Variants in RNF214 observed in about 807,000 individuals in gnomAD.
RNF214 encodes ring finger protein 214.
RNF214 carries 25 observed loss-of-function variants against 75.9 expected under a neutral mutation model. That is an observed-to-expected ratio of 0.33 (90% confidence interval 0.24 to 0.46). The LOEUF is 0.46. Ranked by LOEUF, RNF214 falls within the 20% of genes least tolerant of loss-of-function variation. RNF214 has a pLI of 1.00. For synonymous variants in RNF214, 314 were observed against 308.8 expected (o/e 1.02, Z -0.18); for missense variants, 725 against 857.5 (o/e 0.85, Z 1.93).
At chr11:117,254,405 C>A (rs1370911182) in intron 6 of RNF214, among the ~76,000 whole-genome samples, 1 of 152,108 alleles carries the variant, frequency 6.6e-6, no homozygotes, top group East Asian at 1.9e-4. Flanking sequence ...TTGACCGTAT[C>A]AAGATCTCTT....
At chr11:117,278,149 A>G (rs1317004296) in intron 6 of RNF214, among the ~76,000 whole-genome samples, 1 of 151,584 alleles carries the variant, frequency 6.6e-6, no homozygotes, top group Non-Finnish European at 1.5e-5. Flanking sequence ...CTAAAAATAC[A>G]AAAAATTAGG....
At chr11:117,254,388 T>G (rs1463368957) in intron 6 of RNF214, among the ~76,000 whole-genome samples, 8 of 152,168 alleles carry the variant, frequency 5.3e-5, no homozygotes, top group African/African-American at 1.9e-4. Context: ...CCCAATAAAT[T>G]TACACTTTGA....
intron 6 of RNF214, among the ~76,000 whole-genome samples, chr11:117,273,707 G>C (rs1223718788): frequency 6.6e-6 from 1 of 152,170 alleles, no homozygotes; most frequent in Non-Finnish European, 1.5e-5. Context: ...GGAGTTATGG[G>C]CTGGTATTTT....
At chr11:117,281,806 C>A in intron 10 of RNF214, 88 bp from the exon 11 acceptor site, 1 of 1,526,476 alleles carries the variant, frequency 6.6e-7, no homozygotes, top group Non-Finnish European at 9.0e-7. Flanking sequence ...CTATTCAGTG[C>A]AAGAGTTGTT....
At chr11:117,265,707 G>A (rs1591833775) in intron 6 of RNF214, among the ~76,000 whole-genome samples, 1 of 152,088 alleles carries the variant, frequency 6.6e-6, no homozygotes, top group South Asian at 2.1e-4. Context: ...GAGCCACCGC[G>A]CCTGGCCATC....
intron 2 of RNF214, among the ~76,000 whole-genome samples, chr11:117,235,147 G>A (rs2032867117): frequency 6.6e-6 from 1 of 152,192 alleles, no homozygotes; most frequent in Admixed American, 6.5e-5. Flanking sequence ...CAGTACAGAT[G>A]CAACCATCCA....
At chr11:117,278,272 C>G (rs571668371) in intron 6 of RNF214, among the ~76,000 whole-genome samples, 1 of 152,292 alleles carries the variant, frequency 6.6e-6, no homozygotes, top group South Asian at 2.1e-4. Context: ...CCATTGCACT[C>G]TAGCCTGGGT....
chr11:117,235,694 C>T (rs955265574), intron 2 of RNF214, among the ~76,000 whole-genome samples: 1 of 151,818 alleles, frequency 6.6e-6, no homozygotes, highest in East Asian at 1.9e-4. Flanking sequence ...TGAGTAGAAA[C>T]GGGGTTTTGC....
At position 117,243,909 on chromosome 11, in the gene RNF214, T is replaced by C. The variant is rs73580335; in HGVS notation, c.679-536T>C. Among the ~76,000 whole-genome samples the C allele has an allele frequency of 7.1e-3, 1,084 of 152,318 alleles. 15 individuals are homozygous for C. The highest frequency in any genetic ancestry group is 0.024 in the African/African-American group (997 of 41,564). Reference sequence around the variant, plus strand: ...TATGAAAGCTTGCTGAGTTGTTCAGTCTGAATACCAGGTTCCCAGGCCTCT... The same window carrying C: ...TATGAAAGCTTGCTGAGTTGTTCAGCCTGAATACCAGGTTCCCAGGCCTCT... On this transcript the variant is annotated intron_variant, in intron 4 of 14. Transcript: ENST00000300650.
intron 6 of RNF214, among the ~76,000 whole-genome samples, chr11:117,269,337 G>A (rs2033860402): frequency 6.6e-6 from 1 of 152,188 alleles, no homozygotes; most frequent in African/African-American, 2.4e-5. Context: ...AGGAAGATGA[G>A]GGGCAGAACT....
chr11:117,264,559 G>A (rs1011937573), intron 6 of RNF214, among the ~76,000 whole-genome samples: 2 of 152,200 alleles, frequency 1.3e-5, no homozygotes, highest in African/African-American at 2.4e-5. Context: ...GTATTTTGGG[G>A]TGGAGTGCCC....
At position 117,238,741 on chromosome 11, in the gene RNF214, C is replaced by T; in HGVS notation, c.248C>T (p.Ala83Val). 1.2e-6 allele frequency: 2 copies of T among 1,614,156 alleles called. No individual in the cohort carries two copies. Among genetic ancestry groups the T allele is most frequent in the South Asian group, 1.1e-5 (1 of 91,084 alleles). ...NPGSSAGDTS[A>V]AHQVVLGENL... ...GGTTCATCAGCAGGTGACACCTCAG[C>T]AGCGCACCAGGTGGTTTTAGGAGAA... is the stretch of plus-strand genomic sequence containing the variant. Residue 83 changes from alanine (A) to valine (V), a missense_variant, in exon 3 of 15, where the codon GCA becomes GTA. Coordinates refer to ENST00000300650, the MANE Select transcript of RNF214 (RefSeq NM_207343.4).
intron 2 of RNF214, among the ~76,000 whole-genome samples, chr11:117,235,159 T>C (rs2032867723): frequency 6.6e-6 from 1 of 152,168 alleles, no homozygotes; most frequent in Admixed American, 6.6e-5. Flanking sequence ...AACCATCCAA[T>C]TTTTTTCTGA....
In RNF214 at chr11:117,239,114, C is replaced by T; in HGVS notation, c.618+3C>T. The T allele has an allele frequency of 6.5e-7, 1 of 1,547,928 alleles. No homozygotes were observed. The highest frequency in any genetic ancestry group is 8.8e-7 in the Non-Finnish European group (1 of 1,138,258). On this transcript the variant is annotated splice_donor_region_variant and intron_variant, in intron 3 of 14. Coordinates refer to ENST00000300650, the MANE Select transcript of RNF214 (RefSeq NM_207343.4). ...TTTCTCAGAACATTGCTGTACAGGT[C>T]AAGTGTCAAGTTTCTACTACTAAAA...
chr11:117,276,481 T>C (rs935448500), intron 6 of RNF214, among the ~76,000 whole-genome samples: 5 of 152,126 alleles, frequency 3.3e-5, no homozygotes, highest in African/African-American at 9.7e-5. Context: ...TGATGATACA[T>C]GCTTATAGTC....
At chr11:117,273,030 A>G (rs1018318159) in intron 6 of RNF214, among the ~76,000 whole-genome samples, 3 of 152,216 alleles carry the variant, frequency 2.0e-5, no homozygotes, top group Non-Finnish European at 4.4e-5. Flanking sequence ...CATATTTTCT[A>G]TGAAAAATAT....
At chr11:117,252,839 T>G (rs567538915) in intron 6 of RNF214, among the ~76,000 whole-genome samples, 1 of 152,250 alleles carries the variant, frequency 6.6e-6, no homozygotes, top group African/African-American at 2.4e-5. Context: ...TTTTAATGTT[T>G]TATTCTTTTA....
At chr11:117,245,928 G>A (rs906229569) in intron 5 of RNF214, among the ~76,000 whole-genome samples, 9 of 152,106 alleles carry the variant, frequency 5.9e-5, no homozygotes, top group African/African-American at 1.9e-4. Flanking sequence ...GGTGGAAGTG[G>A]TATGAAGTGG....
intron 6 of RNF214, among the ~76,000 whole-genome samples, chr11:117,275,272 A>C (rs1321875448): frequency 6.6e-6 from 1 of 152,210 alleles, no homozygotes; most frequent in African/African-American, 2.4e-5. Context: ...CTAAGAGGGA[A>C]GTTTATAGTG....
Sources: allele counts gnomAD v4.1 joint callset (sites outside exome capture counted in the v4.1 genomes callset), GRCh38; gene constraint gnomAD v4.1.1; transcripts MANE v1.5; gene names NCBI Gene and HGNC (gene_info 2026-07-23, HGNC 2026-07-21).